Variants in RSPO4 observed in about 807,000 individuals in gnomAD.
The protein encoded by RSPO4 is R-spondin-4.
Under a neutral mutation model 24.8 loss-of-function variants are expected in RSPO4, and 23 were observed. The observed-to-expected ratio is 0.93, with a 90% CI of 0.67 to 1.31. The LOEUF is 1.31. RSPO4 is among the 40% of genes most tolerant of loss of function. The pLI is 0.00. For synonymous variants in RSPO4, 141 were observed against 127.4 expected, an observed-to-expected ratio of 1.11 and a Z score of -0.72; for missense variants, 333 against 316.5, an observed-to-expected ratio of 1.05 and a Z score of -0.39.
At position 1,002,143 on chromosome 20, in the gene RSPO4, G is replaced by A; in HGVS notation, c.22C>T (p.Leu8Phe). MRAPLCL[L>F]LLVAHAVDML... ...TCCACGGCGTGGGCGACGAGCAGGA[G>A]CAGGCAGAGTGGCGCCCGCATCTGG... The change falls in exon 1 of 5, where the codon CTC becomes TTC. Residue 8 changes from leucine (L) to phenylalanine (F), a missense_variant. Coordinates refer to ENST00000217260, the MANE Select transcript of RSPO4 (RefSeq NM_001029871.4). This position sits in a 1 kb window ranked among gnomAD's most constrained non-coding sequence, Gnocchi z 4.6. 27 of 1,562,128 alleles carry A rather than the reference G, an allele frequency of 1.7e-5. No individual in the cohort carries two copies. Among genetic ancestry groups the A allele is most frequent in the Non-Finnish European group, 2.3e-5 (27 of 1,153,238 alleles).
In RSPO4 at chr20:960,090, GAAAGATA is replaced by G. The variant is rs941883578; in HGVS notation, c.*260_*266del. Reference sequence around the variant, plus strand: ...GAAGAAACACAGGAAGAAAGAAAAGGAAAGATAAAAGATAAGTGAGAAAGAAGAGGAA... The same window carrying G: ...GAAGAAACACAGGAAGAAAGAAAAGGAAAGATAAGTGAGAAAGAAGAGGAA... On this transcript the variant is annotated 3_prime_UTR_variant, in exon 5 of 5. Transcript: ENST00000217260. 1 of 548,718 alleles carries G rather than the reference GAAAGATA, an allele frequency of 1.8e-6. No individual in the cohort carries two copies. Among genetic ancestry groups the G allele is most frequent in the East Asian group, 3.1e-5 (1 of 32,524 alleles). 34.0% of individuals were successfully genotyped at this position (548,718 alleles called of 1,614,324 possible). A position where few individuals can be genotyped will look rare whatever the true frequency, so the allele number is the denominator to read the frequency against.
chr20:960,359 AG>A lies in RSPO4; in HGVS notation c.702del (p.Ter235AspfsTer148). The A allele has an allele frequency of 3.3e-6, 5 of 1,535,454 alleles. No homozygotes were observed. In the Admixed American group the frequency reaches 9.8e-5, roughly 30 times the overall value. ...CAGAGAGTCGGGAGAGCCGGCGGTC[AG>A]GGCTGCAGGCCGGGCTGGCGCGGCC... ...DVRPRQPGLQP is the reference protein window; with the variant it reads ...DVRPRQPGLQX On this transcript the variant is annotated frameshift_variant, in exon 5 of 5. Coordinates refer to ENST00000217260, the MANE Select transcript of RSPO4 (RefSeq NM_001029871.4). LOFTEE classifies it high-confidence loss of function.
At chr20:983,796 T>C (rs1420891184) in intron 1 of RSPO4, among the ~76,000 whole-genome samples, 1 of 152,174 alleles carries the variant, frequency 6.6e-6, no homozygotes, top group Admixed American at 6.5e-5. Context: ...ATCTCTTCTT[T>C]CACAGGCCAG....
intron 1 of RSPO4, among the ~76,000 whole-genome samples, chr20:976,830 G>T (rs973951719): frequency 6.6e-6 from 1 of 152,036 alleles, no homozygotes; most frequent in Admixed American, 6.6e-5. Flanking sequence ...GACTAATTTG[G>T]ATAGATTTCT....
chr20:960,381 C>T lies in RSPO4; in HGVS notation c.681G>A (p.Pro227=), dbSNP rs369860447. 1.8e-4 allele frequency: 270 copies of T among 1,537,668 alleles called. No individual in the cohort carries two copies. The Admixed American group carries it at 2.0e-3, about 11-fold the overall frequency. ...GTCAGGGCTGCAGGCCGGGCTGGCGCGGCCTCACGTCCAGCCTGCGGTCCA... is the reference window on the plus strand; with the variant it reads ...GTCAGGGCTGCAGGCCGGGCTGGCGTGGCCTCACGTCCAGCCTGCGGTCCA... The part of the protein sequence containing the change: ...RKLDRRLDVR[P]RQPGLQP The change falls in exon 5 of 5, where the codon CCG becomes CCA. Residue 227 remains proline (P), a synonymous_variant. Transcript: ENST00000217260.
Position 970,999 on chromosome 20 carries a change from C to T in RSPO4, c.80-2861G>A, listed in dbSNP as rs2122223176. Among the ~76,000 whole-genome samples, 1 of 152,256 alleles carries T rather than the reference C, an allele frequency of 6.6e-6. No individual in the cohort carries two copies. Among genetic ancestry groups the T allele is most frequent in the Non-Finnish European group, 1.5e-5 (1 of 68,014 alleles). On this transcript the variant is annotated intron_variant, in intron 1 of 4. Transcript: ENST00000217260. This position sits in a 1 kb window ranked among gnomAD's most constrained non-coding sequence, Gnocchi z 4.1. ...CTGGGACTACAGGCATGTCCCACCA[C>T]ACCAAGATAATTTTTTAAAAACTTT...
At chr20:974,344 CA>C (rs1241575709) in intron 1 of RSPO4, among the ~76,000 whole-genome samples, 1 of 152,192 alleles carries the variant, frequency 6.6e-6, no homozygotes, top group African/African-American at 2.4e-5. Context: ...CAGGATGGGC[CA>C]ATTAGACCAT....
intron 1 of RSPO4, among the ~76,000 whole-genome samples, chr20:977,421 T>C (rs1257305523): frequency 6.6e-6 from 1 of 152,186 alleles, no homozygotes; most frequent in African/African-American, 2.4e-5. Flanking sequence ...AGTTTTCTCA[T>C]CTGTAAAACA....
At chr20:976,154 G>A (rs993093825) in intron 1 of RSPO4, among the ~76,000 whole-genome samples, 5 of 152,152 alleles carry the variant, frequency 3.3e-5, no homozygotes, top group Non-Finnish European at 5.9e-5. Flanking sequence ...TGAGGGATGT[G>A]CAAACCAGCA....
At chr20:987,402 C>G (rs57023572) in intron 1 of RSPO4, among the ~76,000 whole-genome samples, 5,387 of 152,186 alleles carry the variant, frequency 0.035, 310 homozygotes, top group African/African-American at 0.12. Context: ...GGTAGGACTC[C>G]AAGGTTTGGG....
chr20:983,258 A>C (rs1172466201), intron 1 of RSPO4, among the ~76,000 whole-genome samples: 201 of 152,352 alleles, frequency 1.3e-3, no homozygotes, highest in African/African-American at 4.8e-3. Flanking sequence ...GAGCACCTGG[A>C]GCTTCCAAGG....
At chr20:1,001,838 G>T (rs1985474534) in intron 1 of RSPO4, among the ~76,000 whole-genome samples, 1 of 152,150 alleles carries the variant, frequency 6.6e-6, no homozygotes, top group Non-Finnish European at 1.5e-5. Flanking sequence ...GGCTACTACA[G>T]AGAGCCCTGC....
intron 4 of RSPO4, among the ~76,000 whole-genome samples, chr20:963,707 A>T (rs1984079288): frequency 6.6e-6 from 1 of 151,998 alleles, no homozygotes; most frequent in Non-Finnish European, 1.5e-5. Context: ...AGGGTTGGGA[A>T]CTCCTGGCCA....
intron 1 of RSPO4, among the ~76,000 whole-genome samples, chr20:993,224 C>G (rs571905848): frequency 1.2e-4 from 18 of 152,336 alleles, no homozygotes; most frequent in African/African-American, 4.1e-4. Context: ...TCAGAGCCCC[C>G]ACTATGGGCC....
chr20:967,898 C>T (rs940509410), intron 2 of RSPO4, 52 bp downstream of exon 2: 31 of 1,538,544 alleles, frequency 2.0e-5, no homozygotes, highest in Non-Finnish European at 2.7e-5. Flanking sequence ...GATCTAAGCC[C>T]ATGGTGTCTA....
intron 3 of RSPO4, among the ~76,000 whole-genome samples, chr20:965,397 A>G (rs1409914286): frequency 6.6e-6 from 1 of 152,176 alleles, no homozygotes; most frequent in African/African-American, 2.4e-5. Flanking sequence ...CTGAGGAGGA[A>G]AAAAATGATG....
rs1983910680 is a variant in RSPO4 at position 959,341 on chromosome 20, C to G, written c.*1016G>C. 6.6e-6 allele frequency: 1 copy of G among 152,330 alleles called. No individual in the cohort carries two copies. Among genetic ancestry groups the G allele is most frequent in the Admixed American group, 6.5e-5 (1 of 15,280 alleles). The allele number at this position is 152,330 out of a possible 1,614,324, so 9.4% of individuals were successfully genotyped here. A position where few individuals can be genotyped will look rare whatever the true frequency, so the allele number is the denominator to read the frequency against. The stretch of plus-strand genomic sequence containing the variant: ...CCGTGAATGTGCTGAGCAGAGCCAT[C>G]AGGCAGAAGCAGAGCCTGAAGGCTT... On this transcript the variant is annotated 3_prime_UTR_variant, in exon 5 of 5. Coordinates refer to ENST00000217260, the MANE Select transcript of RSPO4 (RefSeq NM_001029871.4).
At position 959,158 on chromosome 20, in the gene RSPO4, GATGGGT is replaced by G. The variant is rs1983900799; in HGVS notation, c.*1193_*1198del. 2 of 121,162 alleles carry G rather than the reference GATGGGT, an allele frequency of 1.7e-5. No homozygotes were observed. The highest frequency in any genetic ancestry group is 3.4e-5 in the African/African-American group (1 of 29,580). The allele number at this position is 121,162 out of a possible 1,614,324, so 7.5% of individuals were successfully genotyped here. A position where few individuals can be genotyped will look rare whatever the true frequency, so the allele number is the denominator to read the frequency against. ...GGTGGTGGGTGTGGGCGAGTGCGGT[GATGGGT>G]GTGGGCAAGTGTGGGGGTGGGTGTC... On this transcript the variant is annotated 3_prime_UTR_variant, in exon 5 of 5. Transcript: ENST00000217260.
intron 1 of RSPO4, among the ~76,000 whole-genome samples, chr20:998,674 A>G (rs1400373969): frequency 6.6e-6 from 1 of 152,040 alleles, no homozygotes; most frequent in Non-Finnish European, 1.5e-5. Context: ...GAGGCTGGAG[A>G]AAGGTGGGAA....
Sources: gnomAD v4.1 joint callset for allele counts (sites outside exome capture counted in the v4.1 genomes callset) on GRCh38, gnomAD v4.1.1 for gene constraint, Gnocchi (gnomAD v3.1) non-coding constraint, MANE v1.5 for transcripts, NCBI Gene and HGNC (gene_info 2026-07-23, HGNC 2026-07-21) for gene names.